The following CNIH3 variants were observed in gnomAD, a reference collection of about 807,000 sequenced individuals.
The protein encoded by CNIH3 is cornichon family AMPA receptor auxiliary protein 3.
CNIH3 carries 14 observed loss-of-function variants against 24.1 expected under a neutral mutation model. The ratio of observed to expected loss-of-function variants is 0.58; its 90% CI spans 0.38 to 0.91. CNIH3 has a LOEUF of 0.91. Among genes scored for constraint, CNIH3 ranks in the 40% least tolerant of loss-of-function variants. The pLI, the probability that CNIH3 is intolerant of heterozygous loss-of-function variation, is 0.00. For missense variants in CNIH3, 178 were observed against 196.8 expected (o/e 0.90, Z 0.57); for synonymous variants, 68 against 73.8 (o/e 0.92, Z 0.40).
intron 1 of CNIH3, among the ~76,000 whole-genome samples, chr1:224,642,165 T>C (rs1278106197): frequency 6.6e-6 from 1 of 152,210 alleles, no homozygotes; most frequent in Non-Finnish European, 1.5e-5. Flanking sequence ...ATTGAATATT[T>C]GCTGTATCAG....
intron 3 of CNIH3, among the ~76,000 whole-genome samples, chr1:224,548,803 C>G (rs919533362): frequency 6.7e-6 from 1 of 149,984 alleles, no homozygotes; most frequent in Non-Finnish European, 1.5e-5. Context: ...TGTAGCATTT[C>G]AAGGTGACAC....
At chr1:224,618,041 G>A (rs1447643413) in intron 1 of CNIH3, among the ~76,000 whole-genome samples, 1 of 152,218 alleles carries the variant, frequency 6.6e-6, no homozygotes, top group African/African-American at 2.4e-5. Flanking sequence ...TACGCCAGGT[G>A]GAGGGCAGCC....
At chr1:224,739,210 G>GAAGCC in intron 5 of CNIH3, 119 bp from the exon 6 acceptor site, 1 of 1,497,224 alleles carries the variant, frequency 6.7e-7, no homozygotes, top group South Asian at 1.3e-5. Flanking sequence ...GAATGAGGGA[G>GAAGCC]AAGCCAAGGG....
intron 1 of CNIH3, among the ~76,000 whole-genome samples, chr1:224,443,939 T>C (rs1675037027): frequency 6.6e-6 from 1 of 152,140 alleles, no homozygotes; most frequent in Non-Finnish European, 1.5e-5. Flanking sequence ...ACAAGAGTCA[T>C]AAATAGGCAA....
chr1:224,444,284 T>C (rs1407624070), intron 1 of CNIH3, among the ~76,000 whole-genome samples: 1 of 152,228 alleles, frequency 6.6e-6, no homozygotes, highest in Non-Finnish European at 1.5e-5. Flanking sequence ...ATTTTCCAAC[T>C]GTCTCAGAAT....
At chr1:224,597,279 C>T (rs921498807) in intron 3 of CNIH3, among the ~76,000 whole-genome samples, 6 of 152,124 alleles carry the variant, frequency 3.9e-5, no homozygotes, top group African/African-American at 1.4e-4. Flanking sequence ...GAGGGATCTC[C>T]CCAACCTTTC....
intron 1 of CNIH3, among the ~76,000 whole-genome samples, chr1:224,498,305 C>T (rs528628449): frequency 1.6e-4 from 24 of 152,230 alleles, no homozygotes; most frequent in East Asian, 7.7e-4. Flanking sequence ...ATGGTGGTGG[C>T]GGTAGGGGTG....
At chr1:224,574,875 G>T in intron 4 of CNIH3, 1 of 1,003,890 alleles carries the variant, frequency 1.0e-6, no homozygotes. Flanking sequence ...GGCGGGCATG[G>T]AAGAGCTGGT....
chr1:224,645,781 C>A (rs936278914), intron 1 of CNIH3, among the ~76,000 whole-genome samples: 1 of 152,234 alleles, frequency 6.6e-6, no homozygotes, highest in African/African-American at 2.4e-5. Context: ...TTCCCCACCC[C>A]ATAACATGGA....
chr1:224,461,689 T>A (rs2102983383), intron 1 of CNIH3, among the ~76,000 whole-genome samples: 1 of 152,290 alleles, frequency 6.6e-6, no homozygotes, highest in East Asian at 1.9e-4. Context: ...ATGGACACAA[T>A]TCATTGGTTT....
chr1:224,652,636 T>C (rs1256701173), intron 1 of CNIH3, among the ~76,000 whole-genome samples: 1 of 152,066 alleles, frequency 6.6e-6, no homozygotes, highest in East Asian at 1.9e-4. Flanking sequence ...CTCTACTGTG[T>C]GGGTGGCTGG....
intron 3 of CNIH3, among the ~76,000 whole-genome samples, chr1:224,558,749 A>G (rs1011917934): frequency 1.1e-4 from 16 of 152,188 alleles, no homozygotes; most frequent in African/African-American, 3.9e-4. Context: ...ATTACAGCCC[A>G]CTTTGTAAGC....
At chr1:224,575,208 A>G in intron 4 of CNIH3, 2 of 1,321,318 alleles carry the variant, frequency 1.5e-6, no homozygotes, top group Non-Finnish European at 2.2e-6. Context: ...CATGCAGAGG[A>G]ACTTGGTGGT....
chr1:224,496,742 A>G (rs1245239349), intron 1 of CNIH3, among the ~76,000 whole-genome samples: 2 of 152,244 alleles, frequency 1.3e-5, no homozygotes, highest in African/African-American at 4.8e-5. Context: ...GGCATAGGAT[A>G]TCATGGTGGG....
chr1:224,584,303 TC>T (rs1681403409), intron 5 of CNIH3, among the ~76,000 whole-genome samples: 1 of 152,176 alleles, frequency 6.6e-6, no homozygotes, highest in South Asian at 2.1e-4. Flanking sequence ...CCATAAACAT[TC>T]CAGGTCTAAT....
At chr1:224,447,828 C>G (rs948828581) in intron 1 of CNIH3, among the ~76,000 whole-genome samples, 2 of 152,158 alleles carry the variant, frequency 1.3e-5, no homozygotes, top group African/African-American at 2.4e-5. Context: ...AAATATTAAC[C>G]CATTTAATCA....
chr1:224,463,301 C>T (rs1023536246), intron 1 of CNIH3, among the ~76,000 whole-genome samples: 2 of 152,108 alleles, frequency 1.3e-5, no homozygotes, highest in African/African-American at 4.8e-5. Flanking sequence ...CTTGCTGACT[C>T]TTGGGATGGT....
intron 3 of CNIH3, among the ~76,000 whole-genome samples, chr1:224,597,046 G>T (rs764385108): frequency 9.2e-5 from 14 of 152,026 alleles, no homozygotes; most frequent in Non-Finnish European, 1.9e-4. Context: ...CAGCTACTTG[G>T]GATGCTGACG....
chr1:224,625,946 T>A (rs1468272898), intron 1 of CNIH3, among the ~76,000 whole-genome samples: 1 of 152,112 alleles, frequency 6.6e-6, no homozygotes, highest in African/African-American at 2.4e-5. Flanking sequence ...ACCCATTTTT[T>A]TTTTAATCAT....
Sources: allele counts gnomAD v4.1 joint callset (sites outside exome capture counted in the v4.1 genomes callset), GRCh38; gene constraint gnomAD v4.1.1; transcripts MANE v1.5; gene names NCBI Gene and HGNC (gene_info 2026-07-23, HGNC 2026-07-21).